The following RGL1 variants were observed in gnomAD, a reference collection of about 807,000 sequenced individuals.
RGL1 encodes ral guanine nucleotide dissociation stimulator-like 1.
In RGL1, 24 loss-of-function variants were observed where a neutral mutation model predicts 95.2. The ratio of observed to expected loss-of-function variants is 0.25; its 90% CI spans 0.18 to 0.35. RGL1 has a LOEUF of 0.35. RGL1 is among the 10% of genes least tolerant of loss of function. RGL1 has a pLI of 1.00. For synonymous variants in RGL1, 329 were observed against 344.9 expected, an observed-to-expected ratio of 0.95 and a Z score of 0.51; for missense variants, 715 against 936.3, an observed-to-expected ratio of 0.76 and a Z score of 3.08.
chr1:183,912,009 C>A, intron 14 of RGL1, 73 bp from the exon 15 acceptor site: 5 of 1,355,242 alleles, frequency 3.7e-6, no homozygotes, highest in Non-Finnish European at 5.1e-6. Flanking sequence ...GCTTAATCAA[C>A]ACAAAATATT....
At chr1:183,661,712 C>A (rs748797231) in intron 1 of RGL1, among the ~76,000 whole-genome samples, 1 of 149,784 alleles carries the variant, frequency 6.7e-6, no homozygotes, top group African/African-American at 2.5e-5. Context: ...TTTTATGAGG[C>A]CAGCATCATC....
rs185025396 is a variant in RGL1, at chr1:183,752,461, G to A, written c.132+10172G>A. 7.0e-4 allele frequency among the ~76,000 whole-genome samples: 107 copies of A among 152,194 alleles called. No individual in the cohort carries two copies. In the East Asian group the frequency reaches 0.013, roughly 18 times the overall value. On this transcript the variant is annotated intron_variant, in intron 2 of 18. Transcript: ENST00000304685. ...AGGATGGTCTCGATCTCTTGACCTT[G>A]TGATCCGCCCACCTCGGCCTCCCAA...
At chr1:183,835,129 G>C (rs1663548943) in intron 2 of RGL1, among the ~76,000 whole-genome samples, 2 of 151,204 alleles carry the variant, frequency 1.3e-5, no homozygotes, top group Admixed American at 1.3e-4. Flanking sequence ...TTAATATCTA[G>C]TAAACAAAAT....
At chr1:183,723,058 A>T (rs1340669049) in intron 1 of RGL1, among the ~76,000 whole-genome samples, 1 of 152,216 alleles carries the variant, frequency 6.6e-6, no homozygotes, top group African/African-American at 2.4e-5. Context: ...TTGGGGGGGA[A>T]ATGGAAGCAC....
rs533665818 is a variant in RGL1, at chr1:183,697,622, A to G, written c.-32-44504A>G. On this transcript the variant is annotated intron_variant, in intron 1 of 18. Coordinates refer to the RGL1 transcript ENST00000304685. ...TAAATGCACGTTGTAACATCATGAG[A>G]TAGTCAATCCAGATACCTCAGTGCC... Among the ~76,000 whole-genome samples, 6 of 152,332 alleles carry G rather than the reference A, an allele frequency of 3.9e-5. No individual in the cohort carries two copies. The South Asian group carries it at 1.2e-3, about 32-fold the overall frequency.
At chr1:183,805,453 T>C in intron 1 of RGL1, 129 bp downstream of exon 1, 1 of 803,760 alleles carries the variant, frequency 1.2e-6, no homozygotes. Context: ...GAGCTAAAGC[T>C]CTCTCACTCC....
rs1489953706 is a variant in RGL1 at position 183,885,097 on chromosome 1, GTTGCCTTTCTAAAC to G, written c.951+163_951+176del. ...GTTGTTCTTCCAGAGTAAGAAAAAA[GTTGCCTTTCTAAAC>G]TTGGCAGCTTATTTATTTTCCTCTT... On this transcript the variant is annotated intron_variant, in intron 7 of 17. Coordinates refer to ENST00000360851, the MANE Select transcript of RGL1 (RefSeq NM_001297671.3). Among the ~76,000 whole-genome samples the G allele has an allele frequency of 3.3e-5, 5 of 152,266 alleles. No individual in the cohort carries two copies. In the East Asian group the frequency reaches 9.6e-4, roughly 29 times the overall value.
At chr1:183,819,545 G>C (rs1428478086) in intron 2 of RGL1, among the ~76,000 whole-genome samples, 1 of 152,084 alleles carries the variant, frequency 6.6e-6, no homozygotes, top group East Asian at 1.9e-4. Flanking sequence ...TTATGCAAGA[G>C]GTTTTCAGAA....
intron 10 of RGL1, among the ~76,000 whole-genome samples, chr1:183,899,700 G>A (rs1667905574): frequency 1.3e-5 from 2 of 152,158 alleles, no homozygotes; most frequent in Admixed American, 1.3e-4. Flanking sequence ...TTGAGAGTTA[G>A]TCACCAAGTC....
intron 2 of RGL1, among the ~76,000 whole-genome samples, chr1:183,810,432 G>A (rs752385011): frequency 1.7e-4 from 26 of 152,184 alleles, no homozygotes; most frequent in Non-Finnish European, 2.9e-4. Flanking sequence ...AGGCCTTTCT[G>A]CCCTGTGTCC....
At chr1:183,923,968 C>T (rs1473248601) in intron 17 of RGL1, among the ~76,000 whole-genome samples, 1 of 152,192 alleles carries the variant, frequency 6.6e-6, no homozygotes, top group Non-Finnish European at 1.5e-5. Flanking sequence ...TACCACAGAG[C>T]TAGACTTGCA....
chr1:183,825,468 T>G (rs1322540741), intron 2 of RGL1, among the ~76,000 whole-genome samples: 2 of 152,156 alleles, frequency 1.3e-5, no homozygotes, highest in Non-Finnish European at 2.9e-5. Context: ...GCACAGACTT[T>G]AGGGGAGGCC....
intron 2 of RGL1, among the ~76,000 whole-genome samples, chr1:183,751,816 C>G (rs1658020431): frequency 6.6e-6 from 1 of 152,150 alleles, no homozygotes; most frequent in Non-Finnish European, 1.5e-5. Context: ...GTTCCCTGAC[C>G]CCTTGCACTT....
At chr1:183,924,823 G>A (rs1286156217) in intron 17 of RGL1, among the ~76,000 whole-genome samples, 3 of 150,946 alleles carry the variant, frequency 2.0e-5, no homozygotes, top group East Asian at 1.9e-4. Flanking sequence ...AAAATTAGCC[G>A]GGGGTGGTGG....
chr1:183,891,352 C>T (rs1667405083), intron 8 of RGL1, among the ~76,000 whole-genome samples: 1 of 152,094 alleles, frequency 6.6e-6, no homozygotes, highest in African/African-American at 2.4e-5. Flanking sequence ...GGGAGAGGGG[C>T]AGAGCAGATG....
chr1:183,748,325 C>T (rs1657773079), intron 2 of RGL1, among the ~76,000 whole-genome samples: 1 of 149,188 alleles, frequency 6.7e-6, no homozygotes, highest in African/African-American at 2.5e-5. Flanking sequence ...GAGTTCTGCT[C>T]TGATCTTAGT....
At chr1:183,861,719 T>C (rs760884077) in intron 3 of RGL1, among the ~76,000 whole-genome samples, 1 of 152,182 alleles carries the variant, frequency 6.6e-6, no homozygotes, top group Non-Finnish European at 1.5e-5. Flanking sequence ...TCTTAAGAGG[T>C]TGGAGCTTTG....
chr1:183,819,892 C>T (rs1662342593), intron 2 of RGL1, among the ~76,000 whole-genome samples: 1 of 151,384 alleles, frequency 6.6e-6, no homozygotes, highest in Non-Finnish European at 1.5e-5. Flanking sequence ...TCAAAGGGTT[C>T]TCCTGCCTCA....
intron 3 of RGL1, among the ~76,000 whole-genome samples, chr1:183,856,652 A>G (rs2102565030): frequency 1.3e-5 from 2 of 149,414 alleles, no homozygotes; most frequent in Admixed American, 1.3e-4. Flanking sequence ...ATATATATAT[A>G]TGTTAAGGTG....
Sources: allele counts gnomAD v4.1 joint callset (sites outside exome capture counted in the v4.1 genomes callset), GRCh38; gene constraint gnomAD v4.1.1; transcripts MANE v1.5; gene names NCBI Gene and HGNC (gene_info 2026-07-23, HGNC 2026-07-21).